The following PRSS23 variants were observed in gnomAD, a reference collection of about 807,000 sequenced individuals.
The protein encoded by PRSS23 is protease, serine 23.
Under a neutral mutation model 34.7 loss-of-function variants are expected in PRSS23, and 25 were observed. The observed-to-expected ratio is 0.72, with a 90% CI of 0.53 to 1.01. PRSS23 has a LOEUF of 1.01. Among genes scored for constraint, PRSS23 ranks in the 50% least tolerant of loss-of-function variants. The probability of loss-of-function intolerance (pLI) is 0.00; values close to 1 mark genes in which losing one functional copy is unlikely to be tolerated. For missense variants in PRSS23, 445 were observed against 475.6 expected (o/e 0.94, Z 0.60); for synonymous variants, 176 against 186.6 (o/e 0.94, Z 0.46).
At chr11:86,918,730 G>A (rs1949029425) in intron 2 of PRSS23, among the ~76,000 whole-genome samples, 1 of 152,242 alleles carries the variant, frequency 6.6e-6, no homozygotes, top group African/African-American at 2.4e-5. Flanking sequence ...CAGCCTGAAT[G>A]TATACAGCAT....
downstream of PRSS23, among the ~76,000 whole-genome samples, chr11:86,814,617 T>C (rs1939113): frequency 0.15 from 22,469 of 152,166 alleles, 2,255 homozygotes; most frequent in East Asian, 0.42. Context: ...CCTCCAAGCC[T>C]CAGCTGTTTT....
intron 2 of PRSS23, among the ~76,000 whole-genome samples, chr11:86,844,935 C>G (rs918232170): frequency 2.0e-5 from 3 of 152,024 alleles, no homozygotes; most frequent in African/African-American, 7.2e-5. Context: ...ATTAAAAATA[C>G]AAAATTAGCT....
At chr11:86,839,214 T>A (rs1382228977) in intron 2 of PRSS23, among the ~76,000 whole-genome samples, 1 of 152,164 alleles carries the variant, frequency 6.6e-6, no homozygotes, top group East Asian at 1.9e-4. Flanking sequence ...AAGGAGCATG[T>A]TCTAACCAAT....
chr11:86,882,868 T>A (rs1948780369), intron 2 of PRSS23, among the ~76,000 whole-genome samples: 1 of 152,226 alleles, frequency 6.6e-6, no homozygotes, highest in South Asian at 2.1e-4. Context: ...GCATCTGTTA[T>A]TTTTTCACTT....
At chr11:86,796,989 A>T (rs190565565), upstream of PRSS23, among the ~76,000 whole-genome samples, 14 of 150,402 alleles carry the variant, frequency 9.3e-5, no homozygotes, top group Middle Eastern at 7.1e-3. Context: ...GCTTTCTCCT[A>T]TATTTGATTT....
chr11:86,823,531 A>T (rs996929807), exon 2 of PRSS23: 5 of 702,510 alleles, frequency 7.1e-6, no homozygotes, highest in African/African-American at 7.0e-5. Flanking sequence ...GGCTAGAAGC[A>T]GAGACACCAG....
intron 2 of PRSS23, among the ~76,000 whole-genome samples, chr11:86,905,137 A>T (rs1948934103): frequency 6.6e-6 from 1 of 152,204 alleles, no homozygotes; most frequent in Admixed American, 6.5e-5. Flanking sequence ...ATCAGGTAAC[A>T]TGTCATACCG....
chr11:86,926,614 G>A (rs1204752741), intron 2 of PRSS23, among the ~76,000 whole-genome samples: 1 of 152,156 alleles, frequency 6.6e-6, no homozygotes, highest in African/African-American at 2.4e-5. Flanking sequence ...TACTTCTCCA[G>A]GGGGTATTGT....
At chr11:86,821,551 G>A in intron 1 of PRSS23, 1 of 1,610,902 alleles carries the variant, frequency 6.2e-7, no homozygotes. Context: ...TATCTGGATG[G>A]CATTCACTCT....
rs1948154098 is a variant in PRSS23, at chr11:86,809,591, G to A, written c.*796G>A. On this transcript the variant is annotated 3_prime_UTR_variant, in exon 2 of 2. Coordinates refer to ENST00000280258, the MANE Select transcript of PRSS23 (RefSeq NM_007173.6). ...TAACAGGATTTCACTCACATTTCTGGAACTAGCTATTTTTCAGAAGACAAT... is the reference window on the plus strand; with the variant it reads ...TAACAGGATTTCACTCACATTTCTGAAACTAGCTATTTTTCAGAAGACAAT... The A allele has an allele frequency of 6.0e-6, 1 of 166,928 alleles. No individual in the cohort carries two copies. Among genetic ancestry groups the A allele is most frequent in the African/African-American group, 2.4e-5 (1 of 41,398 alleles). The allele number at this position is 166,928 out of a possible 1,614,324, so 10.3% of individuals were successfully genotyped here. A position where few individuals can be genotyped will look rare whatever the true frequency, so the allele number is the denominator to read the frequency against.
chr11:86,935,887 A>C (rs923465917), intron 2 of PRSS23: 2 of 152,148 alleles, frequency 1.3e-5, no homozygotes, highest in Non-Finnish European at 1.5e-5. Flanking sequence ...GTGATATAAA[A>C]ATATGAGGCC....
At chr11:86,908,246 A>G (rs1590923649) in intron 2 of PRSS23, among the ~76,000 whole-genome samples, 1 of 149,454 alleles carries the variant, frequency 6.7e-6, no homozygotes, top group East Asian at 2.2e-4. Flanking sequence ...ATCACATGGT[A>G]ATTCTATTTT....
Position 86,807,670 on chromosome 11 carries a change from C to T in PRSS23, c.27C>T (p.Phe9=). MAGIPGLL[F]LLFFLLCAVG... Reference sequence around the variant, plus strand: ...TGGCAGGGATTCCAGGGCTCCTCTTCCTTCTCTTCTTTCTGCTCTGTGCTG... The same window carrying T: ...TGGCAGGGATTCCAGGGCTCCTCTTTCTTCTCTTCTTTCTGCTCTGTGCTG... The change falls in exon 2 of 2, where the codon TTC becomes TTT. Residue 9 remains phenylalanine, a synonymous_variant. Coordinates refer to ENST00000280258, the MANE Select transcript of PRSS23 (RefSeq NM_007173.6). The T allele has an allele frequency of 6.2e-7, 1 of 1,612,498 alleles. No individual in the cohort carries two copies.
At chr11:86,878,972 A>G (rs1948747130) in intron 2 of PRSS23, among the ~76,000 whole-genome samples, 1 of 121,482 alleles carries the variant, frequency 8.2e-6, no homozygotes, top group Non-Finnish European at 1.7e-5. Flanking sequence ...CCGTCTAGGA[A>G]GTGAGGAGCG....
At chr11:86,848,561 T>G (rs188492726) in intron 2 of PRSS23, among the ~76,000 whole-genome samples, 59 of 152,288 alleles carry the variant, frequency 3.9e-4, no homozygotes, top group South Asian at 1.7e-3. Flanking sequence ...TCAGCCTTTC[T>G]AGAAATGCTG....
intron 2 of PRSS23, among the ~76,000 whole-genome samples, chr11:86,846,106 A>G (rs1948484154): frequency 6.6e-6 from 1 of 152,130 alleles, no homozygotes; most frequent in Non-Finnish European, 1.5e-5. Flanking sequence ...CACCTTCCAC[A>G]GTGTGCTTTC....
intron 2 of PRSS23, among the ~76,000 whole-genome samples, chr11:86,829,901 G>T (rs1210140039): frequency 6.6e-6 from 1 of 152,172 alleles, no homozygotes. Context: ...TGCCCCTACT[G>T]GGGGGTGCCT....
chr11:86,923,898 G>C (rs1423419341), intron 2 of PRSS23, among the ~76,000 whole-genome samples: 1 of 152,206 alleles, frequency 6.6e-6, no homozygotes, highest in Non-Finnish European at 1.5e-5. Flanking sequence ...CGATTCAAGA[G>C]TCAATGTGGG....
At chr11:86,798,175 A>G (rs1030800355), upstream of PRSS23, among the ~76,000 whole-genome samples, 4 of 152,134 alleles carry the variant, frequency 2.6e-5, no homozygotes, top group Non-Finnish European at 5.9e-5. Flanking sequence ...TGTTTCTTCA[A>G]TTGGGAGCTA....
Sources: gnomAD v4.1 joint callset for allele counts (sites outside exome capture counted in the v4.1 genomes callset) on GRCh38, gnomAD v4.1.1 for gene constraint, MANE v1.5 for transcripts, NCBI Gene and HGNC (gene_info 2026-07-23, HGNC 2026-07-21) for gene names.